The following TAGLN2 variants were observed in gnomAD, a reference collection of about 807,000 sequenced individuals.
TAGLN2 encodes transgelin 2, also known as transgelin-2.
Under a neutral mutation model 24.9 loss-of-function variants are expected in TAGLN2, and 14 were observed. The observed-to-expected ratio is 0.56, with a 90% CI of 0.37 to 0.88. TAGLN2 has a LOEUF of 0.88. Among genes scored for constraint, TAGLN2 ranks in the 40% least tolerant of loss-of-function variants. The pLI is 0.00. For synonymous variants in TAGLN2, 77 were observed against 98.2 expected, an observed-to-expected ratio of 0.78 and a Z score of 1.28; for missense variants, 208 against 258.9, an observed-to-expected ratio of 0.80 and a Z score of 1.35.
chr1:159,923,674 G>A (rs1469469760), intron 1 of TAGLN2: 5 of 480,000 alleles, frequency 1.0e-5, no homozygotes, highest in Non-Finnish European at 1.8e-5. Context: ...ATGGGGGGCG[G>A]CCCACAATTA....
At position 159,919,279 on chromosome 1, in the gene TAGLN2, G is replaced by A. The variant is rs1331355290; in HGVS notation, c.453C>T (p.Phe151=). ...GCTGTCCCAGCAATACTTACTTAGG[G>A]AACCAGTTGGGATCCCCAGAGAAGA... is the stretch of plus-strand genomic sequence containing the variant. ...DGLFSGDPNW[F]PKKSKENPRN... Residue 151 remains phenylalanine, a synonymous_variant, in exon 4 of 5, where the codon TTC becomes TTT. Coordinates refer to ENST00000368097, the MANE Select transcript of TAGLN2 (RefSeq NM_003564.3). 5.0e-6 allele frequency: 8 copies of A among 1,614,076 alleles called. No homozygotes were observed. Among genetic ancestry groups the A allele is most frequent in the Non-Finnish European group, 5.9e-6 (7 of 1,179,918 alleles).
At chr1:159,918,999 T>A in intron 4 of TAGLN2, 58 bp from the exon 5 acceptor site, 1 of 1,603,910 alleles carries the variant, frequency 6.2e-7, no homozygotes, top group Non-Finnish European at 8.5e-7. Flanking sequence ...GTAAATCCCT[T>A]CCTTGGACAG....
Position 159,918,628 on chromosome 1 carries a change from G to C in TAGLN2, c.*172C>G. 1 of 862,650 alleles carries C rather than the reference G, an allele frequency of 1.2e-6. No individual in the cohort carries two copies. Among genetic ancestry groups the C allele is most frequent in the Non-Finnish European group, 1.8e-6 (1 of 560,878 alleles). The allele number at this position is 862,650 out of a possible 1,614,324, so 53.4% of individuals were successfully genotyped here. A position where few individuals can be genotyped will look rare whatever the true frequency, so the allele number is the denominator to read the frequency against. Reference sequence around the variant, plus strand: ...GGAAGGGAATGTATTAGTAAGCATGGGGGAGAGGATGCCAGCAGGCACCTC... The same window carrying C: ...GGAAGGGAATGTATTAGTAAGCATGCGGGAGAGGATGCCAGCAGGCACCTC... On this transcript the variant is annotated 3_prime_UTR_variant, in exon 5 of 5. Coordinates refer to ENST00000368097, the MANE Select transcript of TAGLN2 (RefSeq NM_003564.3).
chr1:159,923,786 GGGATGAGGTGGGGGCCGTTGCCAT>G, intron 1 of TAGLN2: 1 of 331,340 alleles, frequency 3.0e-6, no homozygotes, highest in Non-Finnish European at 5.5e-6. Context: ...GTGGGAGGAG[GGGATGAGGTGGGGGCCGTTGCCAT>G]GGCTTCTGTG....
chr1:159,918,561 G>T lies in TAGLN2; in HGVS notation c.*239C>A. Reference sequence around the variant, plus strand: ...TGAGGCCCCTAAATTTTGGTCCCAGGGGAAAGGAAGAGGCCAGTTGGTCCA... The same window carrying T: ...TGAGGCCCCTAAATTTTGGTCCCAGTGGAAAGGAAGAGGCCAGTTGGTCCA... On this transcript the variant is annotated 3_prime_UTR_variant, in exon 5 of 5. Transcript: ENST00000368097. The T allele has an allele frequency of 2.0e-6, 1 of 509,722 alleles. No individual in the cohort carries two copies. Among genetic ancestry groups the T allele is most frequent in the African/African-American group, 1.9e-5 (1 of 51,476 alleles). The allele number at this position is 509,722 out of a possible 1,614,324, so 31.6% of individuals were successfully genotyped here.
intron 1 of TAGLN2, chr1:159,923,766 CA>C: frequency 2.8e-6 from 1 of 351,508 alleles, no homozygotes. Context: ...CAGGAAGCTC[CA>C]AAGCTTGCGT....
At position 159,918,676 on chromosome 1, in the gene TAGLN2, C is replaced by T. The variant is rs1557924019; in HGVS notation, c.*124G>A. 2 of 1,376,298 alleles carry T rather than the reference C, an allele frequency of 1.5e-6. No homozygotes were observed. The highest frequency in any genetic ancestry group is 2.0e-6 in the Non-Finnish European group (2 of 1,010,666). The allele number at this position is 1,376,298 out of a possible 1,614,324, so 85.3% of individuals were successfully genotyped here. A position where few individuals can be genotyped will look rare whatever the true frequency, so the allele number is the denominator to read the frequency against. On this transcript the variant is annotated 3_prime_UTR_variant, in exon 5 of 5. Coordinates refer to ENST00000368097, the MANE Select transcript of TAGLN2 (RefSeq NM_003564.3). ...CTCAGAGGTGACAGGACAGGCTGAA[C>T]CCCCCACCCTGACAGAAAGGAGCTT...
Position 159,919,760 on chromosome 1 carries a change from C to A in TAGLN2, c.256G>T (p.Ala86Ser). The A allele has an allele frequency of 6.2e-7, 1 of 1,614,042 alleles. No individual in the cohort carries two copies. ...GAGATCTGCTCCATCTGCTTGAAGG[C>A]CATGGTGGAGGCCTGGATCTTCTTT... is the stretch of plus-strand genomic sequence containing the variant. The part of the protein sequence containing the change: ...PVKKIQASTM[A>S]FKQMEQISQF... Residue 86 changes from alanine to serine, a missense_variant, in exon 3 of 5, where the codon GCC becomes TCC. Physicochemically the swap from Ala to Ser is moderately conservative, Grantham distance 99 (BLOSUM62 1). Transcript: ENST00000368097.
chr1:159,921,793 T>C (rs1571203796), intron 1 of TAGLN2, among the ~76,000 whole-genome samples: 1 of 152,216 alleles, frequency 6.6e-6, no homozygotes, highest in African/African-American at 2.4e-5. Flanking sequence ...ACTGTGGCAG[T>C]GTGTTCCCAC....
intron 1 of TAGLN2, among the ~76,000 whole-genome samples, chr1:159,921,458 A>G (rs550916969): frequency 8.8e-6 from 1 of 114,102 alleles, no homozygotes; most frequent in South Asian, 3.3e-4. Flanking sequence ...GAAGCCAGAA[A>G]AGGGAAGGAA....
chr1:159,921,446 C>T (rs1357948036), intron 1 of TAGLN2, among the ~76,000 whole-genome samples: 1 of 146,936 alleles, frequency 6.8e-6, no homozygotes, highest in Non-Finnish European at 1.5e-5. Flanking sequence ...AGGTGGCCTC[C>T]AGAAGCCAGA....
At chr1:159,919,536 G>T in intron 3 of TAGLN2, 125 bp downstream of exon 3, 1 of 1,359,560 alleles carries the variant, frequency 7.4e-7, no homozygotes, top group South Asian at 1.3e-5. Flanking sequence ...GTGCTCCATG[G>T]AACACAAACA....
chr1:159,920,597 T>A (rs564691033), intron 1 of TAGLN2, 60 bp from the exon 2 acceptor site: 14 of 1,552,286 alleles, frequency 9.0e-6, no homozygotes, highest in Middle Eastern at 1.7e-4. Flanking sequence ...GAGTGGGGAA[T>A]TCAGGAATTC....
At chr1:159,924,339 G>A (rs1246112804) in intron 1 of TAGLN2, among the ~76,000 whole-genome samples, 1 of 152,158 alleles carries the variant, frequency 6.6e-6, no homozygotes, top group Non-Finnish European at 1.5e-5. Flanking sequence ...ACTGGGAGGG[G>A]GCTAGAGATA....
chr1:159,921,631 T>C (rs1369878336), intron 1 of TAGLN2, among the ~76,000 whole-genome samples: 2 of 152,222 alleles, frequency 1.3e-5, no homozygotes, highest in Non-Finnish European at 2.9e-5. Context: ...AGGAAACTAA[T>C]ACAGGAGCCC....
intron 2 of TAGLN2, 132 bp downstream of exon 2, chr1:159,920,198 G>T: frequency 7.0e-7 from 1 of 1,425,840 alleles, no homozygotes; most frequent in Non-Finnish European, 9.9e-7. Flanking sequence ...CTTGACAAAG[G>T]CCTTCAAGCT....
chr1:159,921,543 G>A (rs1650532818), intron 1 of TAGLN2, among the ~76,000 whole-genome samples: 1 of 152,246 alleles, frequency 6.6e-6, no homozygotes, highest in Non-Finnish European at 1.5e-5. Context: ...GACCCCTGTT[G>A]AGTCTGTAGA....
rs1169247008 is a variant in TAGLN2, at chr1:159,923,322, T to C, written c.-29+2128A>G. ...CAGGGAGCAACCTAAACCCTAGCGC[T>C]ACTGCAGCTGTGAGAACAACCCTCA... On this transcript the variant is annotated intron_variant, in intron 1 of 4. Transcript: ENST00000368097. 3.2e-6 allele frequency: 4 copies of C among 1,239,660 alleles called. No homozygotes were observed. In the East Asian group the frequency reaches 8.0e-5, roughly 25 times the overall value. The allele number at this position is 1,239,660 out of a possible 1,614,324, so 76.8% of individuals were successfully genotyped here.
At chr1:159,919,037 G>C in intron 4 of TAGLN2, 96 bp from the exon 5 acceptor site, 6 of 1,552,428 alleles carry the variant, frequency 3.9e-6, no homozygotes, top group Non-Finnish European at 3.5e-6. Context: ...TGGCTCAAGG[G>C]CTGGTGCCAG....
Sources: gnomAD v4.1 joint callset for allele counts (sites outside exome capture counted in the v4.1 genomes callset) on GRCh38, gnomAD v4.1.1 for gene constraint, MANE v1.5 for transcripts, NCBI Gene and HGNC (gene_info 2026-07-23, HGNC 2026-07-21) for gene names.